The following WDR70 variants were observed in gnomAD, a reference collection of about 807,000 sequenced individuals.
The protein encoded by WDR70 is WD repeat-containing protein 70.
WDR70 carries 53 observed loss-of-function variants against 88.6 expected under a neutral mutation model. That is an observed-to-expected ratio of 0.60 (90% confidence interval 0.48 to 0.75). The LOEUF (loss-of-function observed/expected upper bound fraction) is 0.75, where lower values mean the gene tolerates loss of function less well. Ranked by LOEUF, WDR70 falls within the 30% of genes least tolerant of loss-of-function variation. WDR70 has a pLI of 0.00. For missense variants in WDR70, 610 were observed against 823.2 expected (o/e 0.74, Z 3.17); for synonymous variants, 280 against 270.0 (o/e 1.04, Z -0.36).
intron 17 of WDR70, among the ~76,000 whole-genome samples, chr5:37,751,151 A>C (rs939458922): frequency 6.6e-6 from 1 of 152,232 alleles, no homozygotes; most frequent in Non-Finnish European, 1.5e-5. Context: ...AGGTTTATCC[A>C]TACCTAACTG....
intron 7 of WDR70, among the ~76,000 whole-genome samples, chr5:37,478,768 G>T (rs913506403): frequency 6.6e-6 from 1 of 152,156 alleles, no homozygotes; most frequent in Admixed American, 6.5e-5. Flanking sequence ...TGAGGGAGTT[G>T]CAACTCAGGG....
At chr5:37,502,059 T>G (rs1166198280) in intron 8 of WDR70, among the ~76,000 whole-genome samples, 1 of 152,202 alleles carries the variant, frequency 6.6e-6, no homozygotes, top group Non-Finnish European at 1.5e-5. Flanking sequence ...TTCTTGCAAT[T>G]GATGAGCATG....
chr5:37,406,930 T>C (rs1749371108), intron 5 of WDR70, among the ~76,000 whole-genome samples: 1 of 152,072 alleles, frequency 6.6e-6, no homozygotes, highest in Non-Finnish European at 1.5e-5. Context: ...AAGGAAGAGG[T>C]GGGAATATTG....
At chr5:37,680,779 C>T (rs185229739) in intron 10 of WDR70, among the ~76,000 whole-genome samples, 3 of 152,210 alleles carry the variant, frequency 2.0e-5, no homozygotes, top group South Asian at 2.1e-4. Flanking sequence ...TGTACCAGTA[C>T]GATGCTATTT....
intron 3 of WDR70, among the ~76,000 whole-genome samples, chr5:37,384,868 A>G (rs1748556284): frequency 6.6e-6 from 1 of 151,914 alleles, no homozygotes; most frequent in Admixed American, 6.6e-5. Flanking sequence ...AACTCAGTTT[A>G]ATTCTGACAC....
chr5:37,707,801 C>G (rs1747371517), intron 13 of WDR70, among the ~76,000 whole-genome samples: 1 of 150,652 alleles, frequency 6.6e-6, no homozygotes, highest in Non-Finnish European at 1.5e-5. Flanking sequence ...GTAATCCCAG[C>G]TACTCCATAG....
At chr5:37,499,590 TCTCTCTCTCTCTC>T (rs1740337988) in intron 8 of WDR70, among the ~76,000 whole-genome samples, 16 of 134,534 alleles carry the variant, frequency 1.2e-4, no homozygotes, top group South Asian at 2.6e-4. Flanking sequence ...GGAAATATTC[TCTCTCTCTCTCTC>T]TCTCTCTCTC....
At chr5:37,438,275 T>C (rs149940124) in intron 6 of WDR70, among the ~76,000 whole-genome samples, 31 of 152,286 alleles carry the variant, frequency 2.0e-4, no homozygotes, top group African/African-American at 7.2e-4. Flanking sequence ...ACAATTTTGC[T>C]TTTTATGGTG....
intron 8 of WDR70, among the ~76,000 whole-genome samples, chr5:37,497,319 T>C (rs1165521159): frequency 1.5e-5 from 2 of 132,942 alleles, no homozygotes; most frequent in East Asian, 2.6e-4. Flanking sequence ...TTCCCTTTCC[T>C]TCCCTTCCCT....
At chr5:37,597,601 C>T (rs967566716) in intron 9 of WDR70, among the ~76,000 whole-genome samples, 3 of 152,120 alleles carry the variant, frequency 2.0e-5, no homozygotes, top group South Asian at 2.1e-4. Flanking sequence ...TTAACACAAG[C>T]GTGGGTTTTT....
At chr5:37,469,493 A>G (rs1182144551) in intron 7 of WDR70, among the ~76,000 whole-genome samples, 1 of 152,220 alleles carries the variant, frequency 6.6e-6, no homozygotes, top group South Asian at 2.1e-4. Context: ...AACAGAATGC[A>G]TAACTCTGAT....
At chr5:37,621,366 G>A (rs1326272012) in intron 10 of WDR70, among the ~76,000 whole-genome samples, 1 of 152,086 alleles carries the variant, frequency 6.6e-6, no homozygotes, top group Non-Finnish European at 1.5e-5. Context: ...TACAGTCGTT[G>A]ATATTTAGTG....
chr5:37,516,003 C>CT (rs746555791), intron 8 of WDR70, among the ~76,000 whole-genome samples: 20 of 152,238 alleles, frequency 1.3e-4, no homozygotes, highest in Middle Eastern at 3.4e-3. Context: ...TATATTCTTC[C>CT]TTTTCTCACA....
chr5:37,401,201 A>G (rs2111920766), intron 5 of WDR70, among the ~76,000 whole-genome samples: 2 of 106,586 alleles, frequency 1.9e-5, no homozygotes, highest in African/African-American at 3.5e-5. Context: ...AGTAGAGATG[A>G]GGTCTTACTA....
intron 9 of WDR70, among the ~76,000 whole-genome samples, chr5:37,547,160 T>C (rs1359519283): frequency 1.3e-5 from 2 of 152,312 alleles, no homozygotes; most frequent in East Asian, 3.9e-4. Flanking sequence ...ACCAGTATTC[T>C]TGTGTGTGGT....
At chr5:37,514,981 A>G (rs1463495887) in intron 8 of WDR70, among the ~76,000 whole-genome samples, 2 of 151,040 alleles carry the variant, frequency 1.3e-5, no homozygotes, top group African/African-American at 4.9e-5. Flanking sequence ...ATGCCACTGT[A>G]CCCCAGCCTA....
chr5:37,385,887 T>A (rs1443081807), intron 3 of WDR70, among the ~76,000 whole-genome samples: 1 of 151,920 alleles, frequency 6.6e-6, no homozygotes, highest in Non-Finnish European at 1.5e-5. Context: ...CACTGCAAGC[T>A]CCGCCTCCCG....
intron 10 of WDR70, among the ~76,000 whole-genome samples, chr5:37,626,400 T>C (rs1037505196): frequency 2.0e-5 from 3 of 152,228 alleles, no homozygotes; most frequent in Non-Finnish European, 2.9e-5. Flanking sequence ...TTTCTGTTGA[T>C]GTGTGTGATG....
At chr5:37,490,229 A>G (rs1740026319) in intron 8 of WDR70, among the ~76,000 whole-genome samples, 1 of 152,038 alleles carries the variant, frequency 6.6e-6, no homozygotes, top group African/African-American at 2.4e-5. Flanking sequence ...GTTGTGCACA[A>G]ATGCAGGCTG....
Sources: gnomAD v4.1 joint callset for allele counts (sites outside exome capture counted in the v4.1 genomes callset) on GRCh38, gnomAD v4.1.1 for gene constraint, MANE v1.5 for transcripts, NCBI Gene and HGNC (gene_info 2026-07-23, HGNC 2026-07-21) for gene names.